PLEKHA5: variants seen among roughly 807,000 people sequenced by gnomAD.
The protein encoded by PLEKHA5 is pleckstrin homology domain containing A5, also known as pleckstrin homology domain-containing family A member 5.
In PLEKHA5, 55 loss-of-function variants were observed where a neutral mutation model predicts 181.9. The observed-to-expected ratio is 0.30, with a 90% CI of 0.24 to 0.38. The LOEUF is 0.38. Ranked by LOEUF, PLEKHA5 falls within the 10% of genes least tolerant of loss-of-function variation. PLEKHA5 has a pLI of 1.00. For synonymous variants in PLEKHA5, 535 were observed against 529.4 expected, an observed-to-expected ratio of 1.01 and a Z score of -0.15; for missense variants, 1,432 against 1,549.5, an observed-to-expected ratio of 0.92 and a Z score of 1.27.
At chr12:19,341,627 ATTAATTCAT>A (rs2093935807) in intron 21 of PLEKHA5, among the ~76,000 whole-genome samples, 1 of 152,086 alleles carries the variant, frequency 6.6e-6, no homozygotes, top group Non-Finnish European at 1.5e-5. Context: ...TTGGAGCAGC[ATTAATTCAT>A]AGTCTTTAGG....
intron 20 of PLEKHA5, among the ~76,000 whole-genome samples, chr12:19,323,896 T>G (rs997437909): frequency 7.9e-5 from 12 of 152,050 alleles, no homozygotes; most frequent in Non-Finnish European, 1.3e-4. Context: ...GTGAGTCTCT[T>G]GGAATTACCA....
chr12:19,317,586 C>G (rs1245332001), intron 16 of PLEKHA5, among the ~76,000 whole-genome samples: 1 of 151,808 alleles, frequency 6.6e-6, no homozygotes, highest in Non-Finnish European at 1.5e-5. Flanking sequence ...CCCAAAACTC[C>G]TTTTTGGAGT....
At chr12:19,324,140 T>G (rs2091561287) in intron 20 of PLEKHA5, among the ~76,000 whole-genome samples, 1 of 152,164 alleles carries the variant, frequency 6.6e-6, no homozygotes, top group Non-Finnish European at 1.5e-5. Context: ...CCACAGACAG[T>G]ATAGCTTAAT....
chr12:19,340,355 AG>A (rs1178992390), intron 21 of PLEKHA5, among the ~76,000 whole-genome samples: 1 of 115,252 alleles, frequency 8.7e-6, no homozygotes, highest in Non-Finnish European at 1.9e-5. Context: ...CGCCCCGTCC[AG>A]GAGGGAGGCG....
chr12:19,212,031 A>G (rs1446039544), intron 3 of PLEKHA5, among the ~76,000 whole-genome samples: 4 of 152,142 alleles, frequency 2.6e-5, no homozygotes, highest in African/African-American at 9.7e-5. Context: ...TGGTCTGTTG[A>G]GCCTAGTGCA....
intron 3 of PLEKHA5, among the ~76,000 whole-genome samples, chr12:19,231,024 A>T (rs1369400262): frequency 6.6e-6 from 1 of 152,164 alleles, no homozygotes; most frequent in Non-Finnish European, 1.5e-5. Context: ...TGTCTTAATC[A>T]TGAGTCTCCA....
chr12:19,172,698 T>C (rs961126994), intron 3 of PLEKHA5, among the ~76,000 whole-genome samples: 14 of 152,312 alleles, frequency 9.2e-5, no homozygotes, highest in Admixed American at 8.5e-4. Flanking sequence ...TCATTGGATC[T>C]TTGCAGTAAC....
At chr12:19,316,452 T>C (rs1377941089) in intron 16 of PLEKHA5, among the ~76,000 whole-genome samples, 1 of 152,146 alleles carries the variant, frequency 6.6e-6, no homozygotes, top group Non-Finnish European at 1.5e-5. Context: ...TGAAGATGTC[T>C]GAGACTGGCA....
At chr12:19,188,541 A>G (rs1189702906) in intron 3 of PLEKHA5, among the ~76,000 whole-genome samples, 1 of 152,216 alleles carries the variant, frequency 6.6e-6, no homozygotes, top group Non-Finnish European at 1.5e-5. Flanking sequence ...TAGATTAGAA[A>G]TGATGTTTCT....
chr12:19,237,752 G>A (rs933298293), intron 3 of PLEKHA5, among the ~76,000 whole-genome samples: 2 of 151,738 alleles, frequency 1.3e-5, no homozygotes, highest in Non-Finnish European at 1.5e-5. Flanking sequence ...AATTGTAGAG[G>A]CCAGGCAAGA....
At chr12:19,156,517 C>T (rs1037982295) in intron 3 of PLEKHA5, among the ~76,000 whole-genome samples, 3 of 151,922 alleles carry the variant, frequency 2.0e-5, no homozygotes, top group African/African-American at 7.3e-5. Context: ...AGTCCCTTTA[C>T]TGTGATCACC....
rs539343048 is a variant in PLEKHA5, at chr12:19,298,615, C to T, written c.2037+6918C>T. On this transcript the variant is annotated intron_variant, in intron 15 of 31. Coordinates refer to ENST00000429027, the MANE Select transcript of PLEKHA5 (RefSeq NM_001256470.2). ...AACTCCTGCCCTCAGGTGATCCACC[C>T]GCCTCAGCCTCCCAAAGTGCTGGGA... Among the ~76,000 whole-genome samples the T allele has an allele frequency of 8.6e-5, 13 of 151,474 alleles. No individual in the cohort carries two copies. The East Asian group carries it at 1.8e-3, about 20-fold the overall frequency.
intron 7 of PLEKHA5, 120 bp from the exon 8 acceptor site, chr12:19,265,630 T>C: frequency 1.6e-6 from 1 of 616,710 alleles, no homozygotes; most frequent in Non-Finnish European, 2.9e-6. Flanking sequence ...AAGGCCTGCC[T>C]GAACATGAAT....
In PLEKHA5 at chr12:19,236,468, G is replaced by A. The variant is rs145152931; in HGVS notation, c.228-17472G>A. The stretch of plus-strand genomic sequence containing the variant: ...ATAAAACTGAGCAACCATCATCATC[G>A]TTTCTGGGTGGTGGAATTCCAGGCA... On this transcript the variant is annotated intron_variant, in intron 3 of 31. Transcript: ENST00000429027. Among the ~76,000 whole-genome samples, 32 of 152,056 alleles carry A rather than the reference G, an allele frequency of 2.1e-4. No individual in the cohort carries two copies. In the East Asian group the frequency reaches 4.8e-3, roughly 23 times the overall value.
At chr12:19,196,358 A>C (rs2052731092) in intron 3 of PLEKHA5, among the ~76,000 whole-genome samples, 1 of 152,218 alleles carries the variant, frequency 6.6e-6, no homozygotes, top group Admixed American at 6.5e-5. Context: ...GCATATAGTG[A>C]AAAAATTTGA....
chr12:19,259,751 A>G (rs1052573956), intron 6 of PLEKHA5, among the ~76,000 whole-genome samples: 5 of 145,134 alleles, frequency 3.4e-5, no homozygotes, highest in Middle Eastern at 3.6e-3. Flanking sequence ...ACTGTCTCGG[A>G]AAAAAAAAAA....
At position 19,269,753 on chromosome 12, in the gene PLEKHA5, G is replaced by T; in HGVS notation, c.712-17G>T. On this transcript the variant is annotated splice_polypyrimidine_tract_variant and intron_variant, in intron 8 of 31. Coordinates refer to ENST00000429027, the MANE Select transcript of PLEKHA5 (RefSeq NM_001256470.2). ...TCCTATATTTTTATTTAAAATGATC[G>T]TGTCATTTTCAATCAGGCAGCCCAT... The T allele has an allele frequency of 8.1e-7, 1 of 1,235,222 alleles. No homozygotes were observed. The highest frequency in any genetic ancestry group is 1.2e-6 in the Non-Finnish European group (1 of 849,542). 76.5% of individuals were successfully genotyped at this position (1,235,222 alleles called of 1,614,324 possible).
At chr12:19,242,170 A>T (rs904177277) in intron 3 of PLEKHA5, among the ~76,000 whole-genome samples, 1 of 152,184 alleles carries the variant, frequency 6.6e-6, no homozygotes, top group Admixed American at 6.5e-5. Flanking sequence ...AATCATTCTT[A>T]CATTACTTTC....
chr12:19,223,245 C>A (rs1278199640), intron 3 of PLEKHA5, among the ~76,000 whole-genome samples: 2 of 152,074 alleles, frequency 1.3e-5, no homozygotes, highest in African/African-American at 4.8e-5. Context: ...AAAACAATAT[C>A]ATAATTGCCA....
Sources: allele counts gnomAD v4.1 joint callset (sites outside exome capture counted in the v4.1 genomes callset), GRCh38; gene constraint gnomAD v4.1.1; transcripts MANE v1.5; gene names NCBI Gene and HGNC (gene_info 2026-07-23, HGNC 2026-07-21).